The following SRPRB variants were observed in gnomAD, a reference collection of about 807,000 sequenced individuals.
SRPRB encodes the protein signal recognition particle receptor subunit beta.
Under a neutral mutation model 31.9 loss-of-function variants are expected in SRPRB, and 20 were observed. The ratio of observed to expected loss-of-function variants is 0.63; its 90% CI spans 0.44 to 0.91. The LOEUF is 0.91. SRPRB is among the 40% of genes least tolerant of loss of function. The pLI, the probability that SRPRB is intolerant of heterozygous loss-of-function variation, is 0.00. For missense variants in SRPRB, 321 were observed against 324.9 expected (o/e 0.99, Z 0.09); for synonymous variants, 146 against 132.8 (o/e 1.10, Z -0.68).
chr3:133,811,097 G>A lies in SRPRB; in HGVS notation c.328-20G>A, dbSNP rs879154121. 1 of 1,613,300 alleles carries A rather than the reference G, an allele frequency of 6.2e-7. No individual in the cohort carries two copies. Among genetic ancestry groups the A allele is most frequent in the Non-Finnish European group, 8.5e-7 (1 of 1,179,312 alleles). The stretch of plus-strand genomic sequence containing the variant: ...CGTGGAACTGTATTGAAACGTTAAT[G>A]TTATTGCTGCCATCCCCAGGGCAAT... On this transcript the variant is annotated intron_variant, in intron 3 of 6. Transcript: ENST00000678299.
intron 3 of SRPRB, among the ~76,000 whole-genome samples, chr3:133,808,962 A>C (rs908163556): frequency 2.0e-4 from 30 of 151,656 alleles, no homozygotes; most frequent in Admixed American, 5.9e-4. Flanking sequence ...GAATGTAGAC[A>C]GTGACTACCA....
intron 1 of SRPRB, chr3:133,785,974 C>T (rs1468601150): frequency 1.7e-5 from 1 of 59,040 alleles, no homozygotes; most frequent in Non-Finnish European, 3.5e-5. Context: ...GGATTAAGGG[C>T]GGTGCAAGAT....
chr3:133,812,971 G>T (rs1935302763), intron 4 of SRPRB, among the ~76,000 whole-genome samples: 2 of 152,240 alleles, frequency 1.3e-5, no homozygotes, highest in South Asian at 4.1e-4. Context: ...TCCAGAGAGG[G>T]TGATGAGTAG....
chr3:133,805,815 G>A lies in SRPRB; in HGVS notation c.-34G>A, dbSNP rs200576389. 24 of 1,581,884 alleles carry A rather than the reference G, an allele frequency of 1.5e-5. No individual in the cohort carries two copies. The highest frequency in any genetic ancestry group is 1.1e-4 in the African/African-American group (8 of 74,278). On this transcript the variant is annotated 5_prime_UTR_variant, in exon 1 of 7. Coordinates refer to ENST00000678299, the MANE Select transcript of SRPRB (RefSeq NM_001379313.1). Reference sequence around the variant, plus strand: ...CCTGCGCAGAGTGCAGGGCCACGTCGCTTTTGCTGTACCGGGGACCACGCG... The same window carrying A: ...CCTGCGCAGAGTGCAGGGCCACGTCACTTTTGCTGTACCGGGGACCACGCG...
chr3:133,807,015 T>C (rs114923052), intron 2 of SRPRB, among the ~76,000 whole-genome samples: 177 of 152,308 alleles, frequency 1.2e-3, no homozygotes, highest in African/African-American at 4.1e-3. Context: ...TCCTACAGTT[T>C]ATAATTCCTT....
chr3:133,819,490 C>A, intron 6 of SRPRB, 63 bp from the exon 7 acceptor site: 1 of 1,474,908 alleles, frequency 6.8e-7, no homozygotes, highest in Non-Finnish European at 9.4e-7. Flanking sequence ...TGTTTAGAAA[C>A]TAATATGATT....
At chr3:133,805,615 A>G, upstream of SRPRB, 1 of 409,026 alleles carries the variant, frequency 2.4e-6, no homozygotes, top group Non-Finnish European at 4.3e-6. Flanking sequence ...CGACTGACTC[A>G]TCTCTTAAAA....
At chr3:133,807,867 C>A (rs533423075) in intron 3 of SRPRB, 44 bp downstream of exon 3, 1 of 1,468,364 alleles carries the variant, frequency 6.8e-7, no homozygotes, top group Admixed American at 1.9e-5. Flanking sequence ...TCTTACTTTA[C>A]TGTGGTGTGT....
chr3:133,822,805 C>T (rs1935496585), downstream of SRPRB, among the ~76,000 whole-genome samples: 1 of 152,222 alleles, frequency 6.6e-6, no homozygotes, highest in Non-Finnish European at 1.5e-5. Flanking sequence ...CTCTTTATCT[C>T]ATCCCTTCAC....
At chr3:133,801,112 T>A (rs577820026), upstream of SRPRB, among the ~76,000 whole-genome samples, 6 of 152,180 alleles carry the variant, frequency 3.9e-5, no homozygotes, top group South Asian at 2.1e-4. Context: ...GGGAATCCCA[T>A]GATTGGTATC....
At chr3:133,809,217 T>C (rs2107970054) in intron 3 of SRPRB, among the ~76,000 whole-genome samples, 1 of 152,198 alleles carries the variant, frequency 6.6e-6, no homozygotes, top group African/African-American at 2.4e-5. Context: ...GGTCTTGAAC[T>C]CCTGACCTCA....
In SRPRB at chr3:133,820,754, A is replaced by C. The variant is rs1333730994; in HGVS notation, c.*988A>C. Reference sequence around the variant, plus strand: ...TAGTATATTTCATGGTAAAGAAAACAGCCTGTCTGGCTCAAAGCAATTAAA... The same window carrying C: ...TAGTATATTTCATGGTAAAGAAAACCGCCTGTCTGGCTCAAAGCAATTAAA... On this transcript the variant is annotated 3_prime_UTR_variant, in exon 7 of 7. Coordinates refer to ENST00000678299, the MANE Select transcript of SRPRB (RefSeq NM_001379313.1). The C allele has an allele frequency of 2.6e-5, 4 of 152,234 alleles. No homozygotes were observed. Among genetic ancestry groups the C allele is most frequent in the Admixed American group, 2.6e-4 (4 of 15,292 alleles). The allele number at this position is 152,234 out of a possible 1,614,324, so 9.4% of individuals were successfully genotyped here.
At chr3:133,784,531 T>G (rs1934608813) in intron 1 of SRPRB, 1 of 151,132 alleles carries the variant, frequency 6.6e-6, no homozygotes, top group South Asian at 2.1e-4. Context: ...CTTCTGGAGA[T>G]GACTTTTTGC....
chr3:133,810,517 G>A (rs1382397284), intron 3 of SRPRB: 2 of 152,132 alleles, frequency 1.3e-5, no homozygotes, highest in South Asian at 2.1e-4. Context: ...GCTCAGTAGG[G>A]GCTCAGGAAT....
At chr3:133,818,249 G>C (rs2107975923) in intron 6 of SRPRB, among the ~76,000 whole-genome samples, 1 of 152,232 alleles carries the variant, frequency 6.6e-6, no homozygotes, top group East Asian at 1.9e-4. Flanking sequence ...ATCAGTCTTG[G>C]GTTATTTTTA....
At chr3:133,824,152 G>A (rs1258449620), downstream of SRPRB, 3 of 152,228 alleles carry the variant, frequency 2.0e-5, no homozygotes, top group Admixed American at 2.0e-4. Flanking sequence ...CATGACAAAA[G>A]GGACTCTGTG....
chr3:133,787,464 T>G (rs1244262933), intron 1 of SRPRB: 1 of 152,242 alleles, frequency 6.6e-6, no homozygotes, highest in Non-Finnish European at 1.5e-5. Flanking sequence ...TACAGTGCTA[T>G]GTACACAGTG....
At chr3:133,786,844 C>T (rs1457711080) in intron 1 of SRPRB, 1 of 152,216 alleles carries the variant, frequency 6.6e-6, no homozygotes, top group African/African-American at 2.4e-5. Flanking sequence ...CCTGAAACAT[C>T]TTATCTATGT....
chr3:133,807,082 C>T (rs567059207), intron 2 of SRPRB, among the ~76,000 whole-genome samples: 118 of 152,196 alleles, frequency 7.8e-4, no homozygotes, highest in African/African-American at 2.7e-3. Flanking sequence ...GGTGATCCTT[C>T]TTTGACATAG....
Sources: allele counts gnomAD v4.1 joint callset (sites outside exome capture counted in the v4.1 genomes callset), GRCh38; gene constraint gnomAD v4.1.1; transcripts MANE v1.5; gene names NCBI Gene and HGNC (gene_info 2026-07-23, HGNC 2026-07-21).